ZNF568: variants seen among roughly 807,000 people sequenced by gnomAD.
The protein encoded by ZNF568 is zinc finger protein 568.
In ZNF568, 11 loss-of-function variants were observed where a neutral mutation model predicts 18.1. That is an observed-to-expected ratio of 0.61 (90% CI 0.38 to 1.00). ZNF568 has a LOEUF of 1.00. ZNF568 is among the 50% of genes least tolerant of loss of function. The pLI is 0.01. For synonymous variants in ZNF568, 213 were observed against 246.6 expected (o/e 0.86, Z 1.28); for missense variants, 639 against 768.2 (o/e 0.83, Z 1.99).
At chr19:36,923,095 G>A (rs71356023) in intron 3 of ZNF568, among the ~76,000 whole-genome samples, 6,956 of 152,146 alleles carry the variant, frequency 0.046, 220 homozygotes, top group Non-Finnish European at 0.066. Flanking sequence ...ATAAACAAAA[G>A]CTTCCTATTC....
intron 4 of ZNF568, among the ~76,000 whole-genome samples, chr19:36,936,240 G>A (rs1389182246): frequency 6.6e-6 from 1 of 151,896 alleles, no homozygotes; most frequent in Non-Finnish European, 1.5e-5. Flanking sequence ...CTCTTCCCTT[G>A]TTTTGTACTA....
chr19:36,962,277 G>GTTTTTTTTTTT (rs71177418), intron 6 of ZNF568, among the ~76,000 whole-genome samples: 5 of 45,262 alleles, frequency 1.1e-4, no homozygotes, highest in Non-Finnish European at 1.5e-4. Context: ...GTGTTGCAGT[G>GTTTTTTTTTTT]TTTTTTTTTT....
chr19:36,983,420 C>G (rs759828096), downstream of ZNF568, among the ~76,000 whole-genome samples: 7 of 152,170 alleles, frequency 4.6e-5, no homozygotes, highest in Non-Finnish European at 8.8e-5. Context: ...ATCCTCCCCC[C>G]GCCCATAAGG....
intron 6 of ZNF568, among the ~76,000 whole-genome samples, chr19:36,937,711 C>T (rs950046865): frequency 6.6e-6 from 1 of 152,134 alleles, no homozygotes; most frequent in African/African-American, 2.4e-5. Flanking sequence ...AATAGTTTCA[C>T]TTCCCATTGT....
intron 6 of ZNF568, among the ~76,000 whole-genome samples, chr19:36,939,406 T>A (rs971586429): frequency 6.6e-6 from 1 of 152,292 alleles, no homozygotes; most frequent in South Asian, 2.1e-4. Flanking sequence ...TTGTTGGAGA[T>A]AAGAAACAGG....
At chr19:36,984,441 T>C (rs1038798035), downstream of ZNF568, among the ~76,000 whole-genome samples, 3 of 152,204 alleles carry the variant, frequency 2.0e-5, no homozygotes, top group Non-Finnish European at 4.4e-5. Context: ...TATTATTATA[T>C]TCTTGGTAAA....
chr19:36,959,926 G>T (rs2074135311), intron 6 of ZNF568, among the ~76,000 whole-genome samples: 1 of 151,226 alleles, frequency 6.6e-6, no homozygotes, highest in African/African-American at 2.4e-5. Flanking sequence ...TATCAATTTG[G>T]GTTATCTTTT....
intron 6 of ZNF568, among the ~76,000 whole-genome samples, chr19:36,962,108 TTTG>T (rs1425181064): frequency 7.1e-6 from 1 of 141,632 alleles, no homozygotes; most frequent in South Asian, 2.3e-4. Flanking sequence ...CCCAGGCTTT[TTTG>T]TTGTTTTATG....
At chr19:36,989,367 G>A (rs2074404141) in intron 2 of ZNF568, among the ~76,000 whole-genome samples, 1 of 151,940 alleles carries the variant, frequency 6.6e-6, no homozygotes, top group Non-Finnish European at 1.5e-5. Context: ...ATTTTTAGTA[G>A]AGACAGGGTT....
In ZNF568 at chr19:36,952,204, AGGC is replaced by A; in HGVS notation, c.*1117_*1119del. 1 of 320,506 alleles carries A rather than the reference AGGC, an allele frequency of 3.1e-6. No individual in the cohort carries two copies. The allele number at this position is 320,506 out of a possible 1,614,324, so 19.9% of individuals were successfully genotyped here. A position where few individuals can be genotyped will look rare whatever the true frequency, so the allele number is the denominator to read the frequency against. On this transcript the variant is annotated 3_prime_UTR_variant, in exon 7 of 7. Transcript: ENST00000333987. ...ATGCCTGTAATCCCAGCTACTTGGGAGGCTGATAGAAGAAGATAACTTGAGGTC... is the reference window on the plus strand; with the variant it reads ...ATGCCTGTAATCCCAGCTACTTGGGATGATAGAAGAAGATAACTTGAGGTC...
chr19:36,949,197 A>G (rs114991821), intron 6 of ZNF568, among the ~76,000 whole-genome samples: 1,892 of 152,172 alleles, frequency 0.012, 46 homozygotes, highest in African/African-American at 0.044. Flanking sequence ...ACTCCCTATC[A>G]GTCATTTTTG....
chr19:36,996,732 C>G (rs1182273451), exon 5 of ZNF568: 6 of 1,537,612 alleles, frequency 3.9e-6, no homozygotes, highest in Non-Finnish European at 5.2e-6. Context: ...ACAAATGTGC[C>G]TTTAATCATG....
At chr19:36,960,803 T>G (rs1207159735) in intron 6 of ZNF568, among the ~76,000 whole-genome samples, 1 of 152,160 alleles carries the variant, frequency 6.6e-6, no homozygotes, top group African/African-American at 2.4e-5. Context: ...GGGAATATGA[T>G]ATTTAATTTC....
downstream of ZNF568, among the ~76,000 whole-genome samples, chr19:36,981,092 T>C (rs1239630009): frequency 6.6e-6 from 1 of 152,210 alleles, no homozygotes; most frequent in Non-Finnish European, 1.5e-5. Flanking sequence ...TACTACACAG[T>C]CCTCCTTTCT....
Position 36,949,616 on chromosome 19 carries a change from T to G in ZNF568, c.463T>G (p.Cys155Gly), listed in dbSNP as rs754414215. Residue 155 changes from cysteine to glycine, a missense_variant, in exon 7 of 7, where the codon TGT becomes GGT. By Grantham distance (159) the Cys-to-Gly change is radical (BLOSUM62 -3). Transcript: ENST00000333987. ...TCTGATAAAGGAAAAAGTCATTGAA[T>G]GTAAAAAAGTTGCGAAAATATTTCC... ...KILIKEKVIECKKVAKIFPLS... is the reference protein window; with the variant it reads ...KILIKEKVIEGKKVAKIFPLS... The G allele has an allele frequency of 1.2e-6, 2 of 1,613,566 alleles. No individual in the cohort carries two copies. Among genetic ancestry groups the G allele is most frequent in the African/African-American group, 2.7e-5 (2 of 74,902 alleles).
At chr19:36,974,826 A>ATTTTTTTT (rs3053253) in intron 7 of ZNF568, among the ~76,000 whole-genome samples, 1 of 132,294 alleles carries the variant, frequency 7.6e-6, no homozygotes, top group Non-Finnish European at 1.6e-5. Context: ...TTGCTTACCA[A>ATTTTTTTT]TTTTTTTTTT....
At chr19:36,964,437 A>G (rs1021647359) in intron 6 of ZNF568, among the ~76,000 whole-genome samples, 4 of 152,228 alleles carry the variant, frequency 2.6e-5, no homozygotes, top group African/African-American at 9.6e-5. Context: ...CTCTTAAAGA[A>G]ACAAGTACTG....
intron 7 of ZNF568, among the ~76,000 whole-genome samples, chr19:36,978,398 C>T (rs2074302785): frequency 6.6e-6 from 1 of 152,166 alleles, no homozygotes; most frequent in Non-Finnish European, 1.5e-5. Context: ...CATCAGCTAT[C>T]CCAGTTAACT....
intron 7 of ZNF568, chr19:36,974,584 G>A (rs2074265125): frequency 9.4e-7 from 1 of 1,061,980 alleles, no homozygotes; most frequent in Non-Finnish European, 1.4e-6. Context: ...GAAGAGGGGA[G>A]GAAACTGCAT....
Sources: allele counts gnomAD v4.1 joint callset (sites outside exome capture counted in the v4.1 genomes callset), GRCh38; gene constraint gnomAD v4.1.1; transcripts MANE v1.5; gene names NCBI Gene and HGNC (gene_info 2026-07-23, HGNC 2026-07-21).